The following CFAP299 variants were observed in gnomAD, a reference collection of about 807,000 sequenced individuals.
CFAP299 encodes the protein cilia- and flagella-associated protein 299.
In CFAP299, 21 loss-of-function variants were observed where a neutral mutation model predicts 27.0. The observed-to-expected ratio is 0.78, with a 90% CI of 0.55 to 1.12. The LOEUF (loss-of-function observed/expected upper bound fraction) is 1.12, where lower values mean the gene tolerates loss of function less well. Ranked by LOEUF, CFAP299 falls within the 50% of genes most tolerant of loss-of-function variation. CFAP299 has a pLI of 0.00. For missense variants in CFAP299, 310 were observed against 276.6 expected (o/e 1.12, Z -0.86); for synonymous variants, 104 against 98.1 (o/e 1.06, Z -0.36).
chr4:80,736,591 T>C (rs558740320), intron 3 of CFAP299, among the ~76,000 whole-genome samples: 4 of 152,042 alleles, frequency 2.6e-5, no homozygotes, highest in Non-Finnish European at 5.9e-5. Flanking sequence ...ATCAGAGAAA[T>C]GCAAATCAAA....
At chr4:80,802,885 C>G (rs909075287) in intron 3 of CFAP299, among the ~76,000 whole-genome samples, 4 of 151,998 alleles carry the variant, frequency 2.6e-5, no homozygotes, top group Non-Finnish European at 4.4e-5. Flanking sequence ...ATAGTGAAAT[C>G]TCTCATTAAC....
rs561498593 is a variant in CFAP299 at position 80,864,676 on chromosome 4, C to T, written c.334-5317C>T. Reference sequence around the variant, plus strand: ...ATGGCAACCCTAACATAACTATATACACCAGGCAATGGAATTCTGATATGA... The same window carrying T: ...ATGGCAACCCTAACATAACTATATATACCAGGCAATGGAATTCTGATATGA... On this transcript the variant is annotated intron_variant, in intron 3 of 5. Transcript: ENST00000358105. Among the ~76,000 whole-genome samples, 36 of 151,538 alleles carry T rather than the reference C, an allele frequency of 2.4e-4. No homozygotes were observed. The South Asian group carries it at 7.1e-3, about 30-fold the overall frequency.
chr4:80,333,366 A>ACTT (rs1386714065), upstream of CFAP299, among the ~76,000 whole-genome samples: 20 of 152,350 alleles, frequency 1.3e-4, no homozygotes, highest in East Asian at 3.7e-3. Context: ...GCAGCTAGGC[A>ACTT]ACACCAGACA....
chr4:80,963,701 C>T lies in CFAP299; in HGVS notation c.*89C>T. 1.3e-6 allele frequency: 1 copy of T among 769,740 alleles called. No individual in the cohort carries two copies. The highest frequency in any genetic ancestry group is 2.1e-6 in the Non-Finnish European group (1 of 471,284). The allele number at this position is 769,740 out of a possible 1,614,324, so 47.7% of individuals were successfully genotyped here. A position where few individuals can be genotyped will look rare whatever the true frequency, so the allele number is the denominator to read the frequency against. ...TTAGAATAATAAATGAGCCCTGTAG[C>T]TGGAAGGCAAATTAGAACAATAAAG... On this transcript the variant is annotated 3_prime_UTR_variant, in exon 6 of 6. Coordinates refer to ENST00000358105, the MANE Select transcript of CFAP299 (RefSeq NM_152770.3).
intron 3 of CFAP299, among the ~76,000 whole-genome samples, chr4:80,605,092 G>C (rs1235831183): frequency 2.6e-5 from 4 of 152,126 alleles, no homozygotes; most frequent in African/African-American, 9.7e-5. Flanking sequence ...AATTTTCAAA[G>C]CTACATTTTT....
At position 80,580,857 on chromosome 4, in the gene CFAP299, C is replaced by T. The variant is rs181741760; in HGVS notation, c.243-2236C>T. Among the ~76,000 whole-genome samples, 336 of 152,060 alleles carry T rather than the reference C, an allele frequency of 2.2e-3. 2 individuals carry two copies. Among genetic ancestry groups the T allele is most frequent in the East Asian group, 2.1e-3 (11 of 5,164 alleles). ...TATATGTGTTACTTTTAAGCAGAAG[C>T]TCTAAGAGACAATGTGTGGCTATGT... On this transcript the variant is annotated intron_variant, in intron 2 of 5. Transcript: ENST00000358105.
chr4:80,352,891 A>C (rs1237001246), intron 1 of CFAP299, among the ~76,000 whole-genome samples: 1 of 152,086 alleles, frequency 6.6e-6, no homozygotes, highest in Non-Finnish European at 1.5e-5. Flanking sequence ...AAAATATATA[A>C]ATGTTTATTG....
At chr4:80,835,580 G>C (rs1206279542) in intron 3 of CFAP299, among the ~76,000 whole-genome samples, 3 of 151,972 alleles carry the variant, frequency 2.0e-5, no homozygotes, top group Non-Finnish European at 4.4e-5. Flanking sequence ...GGAAACCTAT[G>C]AGTGTCCTCT....
intron 3 of CFAP299, among the ~76,000 whole-genome samples, chr4:80,714,804 A>G (rs72864848): frequency 0.058 from 8,818 of 152,168 alleles, 387 homozygotes; most frequent in East Asian, 0.22. Context: ...TTGAGAAAGC[A>G]GAAAGCAGAA....
At chr4:80,690,295 A>G (rs1431984340) in intron 3 of CFAP299, among the ~76,000 whole-genome samples, 1 of 151,042 alleles carries the variant, frequency 6.6e-6, no homozygotes, top group Non-Finnish European at 1.5e-5. Context: ...ACTTGGAAGT[A>G]AAGCTCTCCT....
intron 2 of CFAP299, among the ~76,000 whole-genome samples, chr4:80,553,447 A>T (rs1734626984): frequency 6.6e-6 from 1 of 152,214 alleles, no homozygotes; most frequent in South Asian, 2.1e-4. Context: ...GCTATTGTGA[A>T]TAGTGCTGCA....
chr4:80,900,969 T>C (rs1293909660), intron 4 of CFAP299, among the ~76,000 whole-genome samples: 2 of 152,056 alleles, frequency 1.3e-5, no homozygotes, highest in African/African-American at 4.8e-5. Flanking sequence ...CTGCTAATCA[T>C]TTTACTAAGT....
chr4:80,920,032 G>A (rs908787423), intron 4 of CFAP299, among the ~76,000 whole-genome samples: 9 of 152,088 alleles, frequency 5.9e-5, no homozygotes, highest in Non-Finnish European at 1.2e-4. Flanking sequence ...TCTATGCAAA[G>A]TACTACTCCT....
chr4:80,632,049 T>C (rs1739241191), intron 3 of CFAP299, among the ~76,000 whole-genome samples: 1 of 151,974 alleles, frequency 6.6e-6, no homozygotes, highest in Non-Finnish European at 1.5e-5. Flanking sequence ...AAGAAGAGCC[T>C]CTCTAGAACC....
At chr4:80,492,014 C>A (rs561368400) in intron 2 of CFAP299, among the ~76,000 whole-genome samples, 2 of 152,210 alleles carry the variant, frequency 1.3e-5, no homozygotes, top group South Asian at 4.1e-4. Flanking sequence ...TTGGTCTCCA[C>A]AATCTGTATC....
intron 2 of CFAP299, among the ~76,000 whole-genome samples, chr4:80,462,153 A>G (rs1383570262): frequency 1.3e-5 from 2 of 152,180 alleles, no homozygotes; most frequent in Non-Finnish European, 2.9e-5. Context: ...ATAGTCTCAA[A>G]TGAGAAGATA....
At chr4:80,566,787 A>C (rs1300515416) in intron 2 of CFAP299, among the ~76,000 whole-genome samples, 1 of 152,108 alleles carries the variant, frequency 6.6e-6, no homozygotes, top group Non-Finnish European at 1.5e-5. Flanking sequence ...GCTGCCTCCG[A>C]GGAGAGAATG....
chr4:80,772,480 GAATCTCATATGT>G (rs1307763211), intron 3 of CFAP299, among the ~76,000 whole-genome samples: 1 of 152,088 alleles, frequency 6.6e-6, no homozygotes, highest in Non-Finnish European at 1.5e-5. Context: ...AAGTTGAATG[GAATCTCATATGT>G]AATTAGATTA....
chr4:80,523,711 A>G (rs1733031179), intron 2 of CFAP299, among the ~76,000 whole-genome samples: 1 of 152,186 alleles, frequency 6.6e-6, no homozygotes, highest in South Asian at 2.1e-4. Context: ...CTCAGGACTT[A>G]GCATTTAGAC....
Sources: gnomAD v4.1 joint callset for allele counts (sites outside exome capture counted in the v4.1 genomes callset) on GRCh38, gnomAD v4.1.1 for gene constraint, MANE v1.5 for transcripts, NCBI Gene and HGNC (gene_info 2026-07-23, HGNC 2026-07-21) for gene names.